Variants in DCDC2 observed in about 807,000 individuals in gnomAD.
The protein encoded by DCDC2 is doublecortin domain containing 2.
A neutral mutation model predicts 50.2 loss-of-function variants in DCDC2; 40 were observed. The observed-to-expected ratio is 0.80, with a 90% confidence interval of 0.62 to 1.04. The LOEUF (loss-of-function observed/expected upper bound fraction) is 1.04. DCDC2 is among the 50% of genes least tolerant of loss of function. The pLI is 0.00. For missense variants in DCDC2, 570 were observed against 581.9 expected (o/e 0.98, Z 0.21); for synonymous variants, 234 against 210.6 (o/e 1.11, Z -0.96).
chr6:24,227,565 A>G (rs1252477641), intron 7 of DCDC2, among the ~76,000 whole-genome samples: 1 of 152,222 alleles, frequency 6.6e-6, no homozygotes, highest in Non-Finnish European at 1.5e-5. Flanking sequence ...GATCTGAGAC[A>G]GGCCATAGCC....
chr6:24,187,938 T>C (rs1053482701), intron 8 of DCDC2, among the ~76,000 whole-genome samples: 6 of 152,230 alleles, frequency 3.9e-5, no homozygotes, highest in African/African-American at 1.4e-4. Flanking sequence ...GGGAATTAGG[T>C]AAACTTGTCC....
At chr6:24,175,048 A>G (rs1340074989) in intron 9 of DCDC2, among the ~76,000 whole-genome samples, 1 of 152,046 alleles carries the variant, frequency 6.6e-6, no homozygotes, top group Admixed American at 6.6e-5. Context: ...GGGGTTCATA[A>G]TCTACTAGTG....
chr6:24,294,926 C>CA (rs925073436), intron 4 of DCDC2, among the ~76,000 whole-genome samples: 3 of 152,104 alleles, frequency 2.0e-5, no homozygotes, highest in Admixed American at 6.5e-5. Flanking sequence ...GAAACTATTC[C>CA]AAAAAATTGA....
At chr6:24,176,220 C>G (rs561479193) in intron 9 of DCDC2, among the ~76,000 whole-genome samples, 1 of 152,040 alleles carries the variant, frequency 6.6e-6, no homozygotes, top group South Asian at 2.1e-4. Flanking sequence ...CACTTGAGCC[C>G]GGGAGGTCAA....
At chr6:24,366,018 A>G in the DCDC2 span, among the ~76,000 whole-genome samples, 1 of 151,938 alleles carries the variant, frequency 6.6e-6, no homozygotes, top group African/African-American at 2.4e-5. Context: ...GGCTTTCACC[A>G]TGTTGGCCAG....
chr6:24,237,968 T>C lies in DCDC2; in HGVS notation c.923-32866A>G, dbSNP rs140965246. ...AAGGGTTGAAAAACTACCTATTGGG[T>C]ACTATACTTACTACCCAAGTGATGG... On this transcript the variant is annotated intron_variant, in intron 7 of 9. Coordinates refer to ENST00000378454, the MANE Select transcript of DCDC2 (RefSeq NM_016356.5). 2.1e-4 allele frequency among the ~76,000 whole-genome samples: 31 copies of C among 150,602 alleles called. No homozygotes were observed. In the East Asian group the frequency reaches 6.2e-3, roughly 30 times the overall value.
At chr6:24,273,767 T>C (rs1022757812) in intron 7 of DCDC2, among the ~76,000 whole-genome samples, 1 of 152,230 alleles carries the variant, frequency 6.6e-6, no homozygotes, top group African/African-American at 2.4e-5. Flanking sequence ...GCAGTAACGC[T>C]TCATGCTTGG....
intron 2 of DCDC2, among the ~76,000 whole-genome samples, chr6:24,326,461 G>A (rs1318675690): frequency 7.2e-5 from 1 of 13,840 alleles, no homozygotes; most frequent in South Asian, 5.0e-3. Flanking sequence ...CATGTTAAGA[G>A]CTGGGTGACA....
chr6:24,317,068 T>C (rs1361429485), intron 2 of DCDC2, among the ~76,000 whole-genome samples: 1 of 150,718 alleles, frequency 6.6e-6, no homozygotes, highest in Non-Finnish European at 1.5e-5. Context: ...ACACTACATA[T>C]ATGCACACAT....
At chr6:24,220,634 ATAT>A (rs1358899476) in intron 7 of DCDC2, among the ~76,000 whole-genome samples, 1 of 152,186 alleles carries the variant, frequency 6.6e-6, no homozygotes, top group African/African-American at 2.4e-5. Flanking sequence ...AATTTTTATC[ATAT>A]TATGTATGGG....
At chr6:24,182,621 G>A (rs4712805) in intron 8 of DCDC2, among the ~76,000 whole-genome samples, 58,264 of 90,224 alleles carry the variant, frequency 0.65, 16,133 homozygotes, top group Non-Finnish European at 0.7. Flanking sequence ...CACCCATTAT[G>A]ATGACAAGAA....
intron 7 of DCDC2, among the ~76,000 whole-genome samples, chr6:24,220,809 G>A (rs545417880): frequency 2.6e-4 from 20 of 77,142 alleles, no homozygotes; most frequent in African/African-American, 1.1e-3. Flanking sequence ...TTACAATCAC[G>A]GCAGAAAGCG....
At chr6:24,187,941 A>T (rs1161203315) in intron 8 of DCDC2, among the ~76,000 whole-genome samples, 2 of 152,246 alleles carry the variant, frequency 1.3e-5, no homozygotes, top group Non-Finnish European at 2.9e-5. Flanking sequence ...AATTAGGTAA[A>T]CTTGTCCAAA....
At chr6:24,369,031 G>A in the DCDC2 span, among the ~76,000 whole-genome samples, 5 of 151,330 alleles carry the variant, frequency 3.3e-5, no homozygotes, top group African/African-American at 1.2e-4. Context: ...CTACTCAGTA[G>A]GCTGAGGCAG....
At chr6:24,362,217 T>C (rs1265725213), upstream of DCDC2, among the ~76,000 whole-genome samples, 1 of 150,794 alleles carries the variant, frequency 6.6e-6, no homozygotes, top group African/African-American at 2.4e-5. Flanking sequence ...TTTTATTTAA[T>C]TGCATATTTA....
intron 7 of DCDC2, among the ~76,000 whole-genome samples, chr6:24,231,571 C>G: frequency 6.6e-6 from 1 of 152,138 alleles, no homozygotes; most frequent in East Asian, 1.9e-4. Context: ...CCTCCCCCAT[C>G]CTCCACCACT....
the DCDC2 span, among the ~76,000 whole-genome samples, chr6:24,381,169 C>T: frequency 6.6e-6 from 1 of 151,770 alleles, no homozygotes; most frequent in Non-Finnish European, 1.5e-5. Context: ...TATACATATA[C>T]ATTATGAAAT....
At chr6:24,218,933 T>C (rs996530275) in intron 7 of DCDC2, among the ~76,000 whole-genome samples, 5 of 152,248 alleles carry the variant, frequency 3.3e-5, no homozygotes, top group African/African-American at 7.2e-5. Context: ...GTTCAACAGA[T>C]GGTATCTTCC....
chr6:24,229,152 G>C (rs560767334), intron 7 of DCDC2, among the ~76,000 whole-genome samples: 2 of 152,084 alleles, frequency 1.3e-5, no homozygotes, highest in Non-Finnish European at 2.9e-5. Flanking sequence ...TACAGTTCTG[G>C]AGGCCAGAGT....
Sources: allele counts gnomAD v4.1 joint callset (sites outside exome capture counted in the v4.1 genomes callset), GRCh38; gene constraint gnomAD v4.1.1; transcripts MANE v1.5; gene names NCBI Gene and HGNC (gene_info 2026-07-23, HGNC 2026-07-21).